The following FHIT variants were observed in gnomAD, a reference collection of about 807,000 sequenced individuals.
FHIT encodes fragile histidine triad diadenosine triphosphatase, also known as bis(5'-adenosyl)-triphosphatase.
A neutral mutation model predicts 17.9 loss-of-function variants in FHIT; 19 were observed. That is an observed-to-expected ratio of 1.06 (90% confidence interval 0.74 to 1.56). The LOEUF is 1.56. FHIT is among the 40% of genes most tolerant of loss of function. The pLI is 0.00. For synonymous variants in FHIT, 81 were observed against 69.7 expected (o/e 1.16, Z -0.81); for missense variants, 248 against 189.2 (o/e 1.31, Z -1.82).
chr3:61,003,897 T>G (rs2031268523), intron 3 of FHIT, among the ~76,000 whole-genome samples: 1 of 152,158 alleles, frequency 6.6e-6, no homozygotes, highest in Admixed American at 6.5e-5. Flanking sequence ...CAGCAATACA[T>G]CAGTTTGGTT....
intron 5 of FHIT, among the ~76,000 whole-genome samples, chr3:60,261,878 T>C (rs1051062434): frequency 3.3e-5 from 5 of 152,042 alleles, no homozygotes; most frequent in African/African-American, 1.2e-4. Flanking sequence ...GGAACATCTC[T>C]GTCTCTCTGA....
At chr3:61,168,997 G>C (rs2037920406) in intron 2 of FHIT, among the ~76,000 whole-genome samples, 1 of 152,140 alleles carries the variant, frequency 6.6e-6, no homozygotes, top group African/African-American at 2.4e-5. Flanking sequence ...TCCCCAATTA[G>C]TGGGTTATTT....
chr3:60,449,833 T>C (rs1418860451), intron 5 of FHIT, among the ~76,000 whole-genome samples: 1 of 151,686 alleles, frequency 6.6e-6, no homozygotes, highest in African/African-American at 2.4e-5. Flanking sequence ...TGAAACCCCA[T>C]CTCTACTAAA....
intron 5 of FHIT, among the ~76,000 whole-genome samples, chr3:60,348,532 T>C (rs748309004): frequency 6.6e-6 from 1 of 152,204 alleles, no homozygotes; most frequent in Non-Finnish European, 1.5e-5. Flanking sequence ...AACTTTCCTT[T>C]TTTGAAAGAG....
At chr3:60,005,093 T>G (rs561886494) in intron 7 of FHIT, among the ~76,000 whole-genome samples, 4 of 152,264 alleles carry the variant, frequency 2.6e-5, no homozygotes, top group African/African-American at 9.6e-5. Flanking sequence ...TCCTCCCTCT[T>G]CATCAGTATG....
At chr3:60,698,023 A>C (rs1336758865) in intron 4 of FHIT, among the ~76,000 whole-genome samples, 1 of 152,230 alleles carries the variant, frequency 6.6e-6, no homozygotes, top group East Asian at 1.9e-4. Flanking sequence ...CATCTGTCTA[A>C]CAATGCTAAC....
intron 4 of FHIT, among the ~76,000 whole-genome samples, chr3:60,756,785 C>G (rs1000617480): frequency 6.6e-6 from 1 of 152,192 alleles, no homozygotes; most frequent in Non-Finnish European, 1.5e-5. Flanking sequence ...TAACTTGTCA[C>G]AGTCTTACCC....
At chr3:59,944,009 A>T (rs1455028520) in intron 7 of FHIT, among the ~76,000 whole-genome samples, 1 of 152,242 alleles carries the variant, frequency 6.6e-6, no homozygotes, top group Non-Finnish European at 1.5e-5. Context: ...TAAATCTTTA[A>T]TAAAGTCCTA....
chr3:61,211,611 G>A (rs1422959990), intron 1 of FHIT, among the ~76,000 whole-genome samples: 4 of 152,228 alleles, frequency 2.6e-5, no homozygotes, highest in African/African-American at 9.6e-5. Context: ...AGTAACCTCT[G>A]CAGACTTCAA....
intron 7 of FHIT, among the ~76,000 whole-genome samples, chr3:60,007,360 T>C (rs1699965417): frequency 6.6e-6 from 1 of 152,362 alleles, no homozygotes; most frequent in South Asian, 2.1e-4. Flanking sequence ...TAGAAGACTT[T>C]TGATAGAGAT....
At chr3:59,900,198 A>C (rs768768618) in intron 8 of FHIT, among the ~76,000 whole-genome samples, 28 of 152,042 alleles carry the variant, frequency 1.8e-4, no homozygotes, top group Non-Finnish European at 3.5e-4. Flanking sequence ...AGCAAGAATG[A>C]CTTAAGCAAC....
intron 1 of FHIT, among the ~76,000 whole-genome samples, chr3:61,217,787 A>G (rs1002377694): frequency 9.2e-5 from 14 of 152,236 alleles, no homozygotes; most frequent in Admixed American, 3.9e-4. Context: ...GCCTGAAAGT[A>G]GTTTCAATGA....
intron 5 of FHIT, among the ~76,000 whole-genome samples, chr3:60,134,530 G>C (rs35411457): frequency 6.6e-6 from 1 of 152,170 alleles, no homozygotes; most frequent in Non-Finnish European, 1.5e-5. Flanking sequence ...CATAGATTGT[G>C]AATGACACAC....
intron 5 of FHIT, among the ~76,000 whole-genome samples, chr3:60,130,141 A>T (rs1181966231): frequency 1.3e-5 from 2 of 152,158 alleles, no homozygotes; most frequent in East Asian, 3.8e-4. Context: ...AACCTTAGAG[A>T]GCAATCATTA....
chr3:61,015,215 G>C (rs1324628277), intron 3 of FHIT, among the ~76,000 whole-genome samples: 1 of 152,060 alleles, frequency 6.6e-6, no homozygotes, highest in Non-Finnish European at 1.5e-5. Context: ...GACAACCCCA[G>C]GTAGAGAAAG....
chr3:60,036,280 T>C (rs924620080), intron 5 of FHIT, among the ~76,000 whole-genome samples: 2 of 152,210 alleles, frequency 1.3e-5, no homozygotes, highest in Non-Finnish European at 2.9e-5. Context: ...CACCTCCTCC[T>C]AAAAGAAAAC....
intron 5 of FHIT, among the ~76,000 whole-genome samples, chr3:60,125,655 T>C (rs1460115211): frequency 7.0e-6 from 1 of 143,742 alleles, no homozygotes; most frequent in African/African-American, 2.6e-5. Context: ...TATGTGTGTA[T>C]GTGTTTGTGT....
At chr3:61,216,479 A>G (rs2039679753) in intron 1 of FHIT, among the ~76,000 whole-genome samples, 1 of 152,258 alleles carries the variant, frequency 6.6e-6, no homozygotes, top group Non-Finnish European at 1.5e-5. Flanking sequence ...GCAATCATTA[A>G]AAAGTCAGGA....
chr3:60,606,940 T>A (rs749243538), intron 4 of FHIT, among the ~76,000 whole-genome samples: 6 of 152,188 alleles, frequency 3.9e-5, no homozygotes, highest in Non-Finnish European at 7.3e-5. Context: ...TGTTACCTGC[T>A]TCCACTGGAA....
Sources: gnomAD v4.1 joint callset for allele counts (sites outside exome capture counted in the v4.1 genomes callset) on GRCh38, gnomAD v4.1.1 for gene constraint, MANE v1.5 for transcripts, NCBI Gene and HGNC (gene_info 2026-07-23, HGNC 2026-07-21) for gene names.